CYP4F12: variants seen among roughly 807,000 people sequenced by gnomAD.
CYP4F12 encodes the protein cytochrome P450 family 4 subfamily F member 12.
Under a neutral mutation model 56.5 loss-of-function variants are expected in CYP4F12, and 60 were observed. The observed-to-expected ratio is 1.06, with a 90% CI of 0.86 to 1.32. The LOEUF (loss-of-function observed/expected upper bound fraction) is 1.32. Ranked by LOEUF, CYP4F12 falls within the 40% of genes most tolerant of loss-of-function variation. The pLI is 0.00. For missense variants in CYP4F12, 711 were observed against 683.5 expected, an observed-to-expected ratio of 1.04 and a Z score of -0.45; for synonymous variants, 263 against 264.9, an observed-to-expected ratio of 0.99 and a Z score of 0.07.
Position 15,683,681 on chromosome 19 carries a change from C to G in CYP4F12, c.836C>G (p.Pro279Arg), listed in dbSNP as rs567584411. 5.0e-6 allele frequency: 8 copies of G among 1,612,754 alleles called. No individual in the cohort carries two copies. The highest frequency in any genetic ancestry group is 5.9e-6 in the Non-Finnish European group (7 of 1,179,526). ...ATCCGGGAGCGGCGTCGCACCCTCC[C>G]CACTCAGGGTATTGATGATTTTTTC... ...AVIRERRRTL[P>R]TQGIDDFFKD... The change falls in exon 7 of 13, where the codon CCC (proline) becomes CGC (arginine). Residue 279 changes from proline (P) to arginine (R), a missense_variant. By Grantham distance (103) the Pro-to-Arg change is moderately radical (BLOSUM62 -2). Coordinates refer to ENST00000550308, the MANE Select transcript of CYP4F12 (RefSeq NM_023944.4).
chr19:15,679,586 G>C (rs569031966), intron 3 of CYP4F12, among the ~76,000 whole-genome samples: 1 of 152,296 alleles, frequency 6.6e-6, no homozygotes, highest in East Asian at 1.9e-4. Flanking sequence ...GACACTTGGG[G>C]CATGTCAGAG....
chr19:15,676,380 C>G, intron 2 of CYP4F12, among the ~76,000 whole-genome samples: 1 of 134,984 alleles, frequency 7.4e-6, no homozygotes, highest in Non-Finnish European at 1.6e-5. Context: ...TCCTCACTCA[C>G]TCATTCCTCT....
At chr19:15,674,651 CCACT>C (rs1443701703) in intron 2 of CYP4F12, among the ~76,000 whole-genome samples, 1 of 46,918 alleles carries the variant, frequency 2.1e-5, no homozygotes, top group African/African-American at 6.3e-5. Flanking sequence ...TTTGCTCTCC[CCACT>C]CACTCATTCC....
chr19:15,680,494 T>C lies in CYP4F12; in HGVS notation c.500T>C (p.Phe167Ser), dbSNP rs2007234550. The C allele has an allele frequency of 6.2e-7, 1 of 1,614,024 alleles. No individual in the cohort carries two copies. Among genetic ancestry groups the C allele is most frequent in the Non-Finnish European group, 8.5e-7 (1 of 1,180,040 alleles). The change falls in exon 5 of 13, where the codon TTC becomes TCC. Residue 167 changes from phenylalanine to serine, a missense_variant. Physicochemically the swap from Phe to Ser is radical, Grantham distance 155. Coordinates refer to ENST00000550308, the MANE Select transcript of CYP4F12 (RefSeq NM_023944.4). Reference protein sequence around the residue: ...FNILKSYITIFNKSANIMLDK... With the variant: ...FNILKSYITISNKSANIMLDK... ...ATCCTGAAGTCCTATATAACGATCT[T>C]CAACAAGAGTGCAAACATCATGCTT...
intron 7 of CYP4F12, 194 bp from the exon 8 acceptor site, chr19:15,684,622 A>G (rs1447172021): frequency 3.8e-6 from 2 of 529,956 alleles, no homozygotes; most frequent in African/African-American, 3.9e-5. Flanking sequence ...ATCTGGGGGA[A>G]GCCCTTGGAG....
intron 9 of CYP4F12, among the ~76,000 whole-genome samples, chr19:15,695,511 A>T (rs985372138): frequency 1.3e-4 from 19 of 151,996 alleles, no homozygotes; most frequent in Admixed American, 7.9e-4. Context: ...AATAAAAAAA[A>T]AAAAACAAAT....
intron 1 of CYP4F12, 77 bp from the exon 2 acceptor site, chr19:15,673,452 A>G: frequency 2.0e-6 from 3 of 1,500,000 alleles, no homozygotes; most frequent in Non-Finnish European, 2.7e-6. Context: ...GCAGTTCCTG[A>G]CTTCGCCCCT....
At chr19:15,677,821 C>A (rs796947563) in intron 2 of CYP4F12, among the ~76,000 whole-genome samples, 3 of 986 alleles carry the variant, frequency 3.0e-3, no homozygotes, top group African/African-American at 4.8e-3. Flanking sequence ...TGCTCGCTCA[C>A]TCACTCATTC....
chr19:15,683,420 C>A (rs777267212), intron 6 of CYP4F12, 73 bp from the exon 7 acceptor site: 387 of 1,488,688 alleles, frequency 2.6e-4, no homozygotes, highest in Non-Finnish European at 3.3e-4. Flanking sequence ...TAGCTCCTGG[C>A]TGCTGGTGGG....
At chr19:15,690,950 G>T (rs2007841873) in intron 9 of CYP4F12, among the ~76,000 whole-genome samples, 1 of 151,968 alleles carries the variant, frequency 6.6e-6, no homozygotes, top group Non-Finnish European at 1.5e-5. Context: ...TTTGTCCTAT[G>T]GTATTTACAT....
chr19:15,681,695 G>C (rs114383497), intron 5 of CYP4F12: 3,513 of 152,214 alleles, frequency 0.023, 14 homozygotes, highest in African/African-American at 0.081. Context: ...GTGGTTATCT[G>C]CAAATACAAC....
intron 3 of CYP4F12, 25 bp from the exon 4 acceptor site, chr19:15,680,219 C>T (rs377522493): frequency 7.0e-6 from 11 of 1,581,086 alleles, no homozygotes; most frequent in Non-Finnish European, 7.7e-6. Context: ...TCTACATGGC[C>T]CCTGATGGTC....
intron 3 of CYP4F12, 58 bp from the exon 4 acceptor site, chr19:15,680,186 T>C (rs1414258521): frequency 2.6e-6 from 4 of 1,549,652 alleles, no homozygotes; most frequent in African/African-American, 2.7e-5. Flanking sequence ...CCTTGCCCTA[T>C]ACCTGAAGTT....
intron 11 of CYP4F12, 98 bp downstream of exon 11, chr19:15,696,323 A>T (rs2008136943): frequency 6.2e-7 from 1 of 1,610,184 alleles, no homozygotes; most frequent in Non-Finnish European, 8.5e-7. Context: ...CAGGGTTTTG[A>T]TGAGGAAAAT....
chr19:15,679,618 A>G (rs2007173656), intron 3 of CYP4F12, among the ~76,000 whole-genome samples: 1 of 152,230 alleles, frequency 6.6e-6, no homozygotes. Flanking sequence ...CTTCTCTGAC[A>G]TGTGATTTGA....
chr19:15,695,837 T>C, intron 9 of CYP4F12, 99 bp from the exon 10 acceptor site: 1 of 1,478,828 alleles, frequency 6.8e-7, no homozygotes, highest in Non-Finnish European at 9.0e-7. Flanking sequence ...GTGGAGTTTA[T>C]TTTGTGATAG....
chr19:15,693,285 T>C (rs1197247039), intron 9 of CYP4F12, among the ~76,000 whole-genome samples: 4 of 152,200 alleles, frequency 2.6e-5, no homozygotes, highest in African/African-American at 9.7e-5. Flanking sequence ...GTAGACGGTA[T>C]GAAAATTTTA....
At chr19:15,673,488 TG>T in intron 1 of CYP4F12, 40 bp from the exon 2 acceptor site, 1 of 1,568,054 alleles carries the variant, frequency 6.4e-7, no homozygotes, top group African/African-American at 1.3e-5. Context: ...AGCTCTTCCC[TG>T]GGCCTCAGGT....
intron 9 of CYP4F12, among the ~76,000 whole-genome samples, chr19:15,693,265 C>T (rs975849399): frequency 6.6e-6 from 1 of 152,028 alleles, no homozygotes; most frequent in Non-Finnish European, 1.5e-5. Flanking sequence ...AAATTCTGAA[C>T]CAGATAATTG....
Sources: gnomAD v4.1 joint callset for allele counts (sites outside exome capture counted in the v4.1 genomes callset) on GRCh38, gnomAD v4.1.1 for gene constraint, MANE v1.5 for transcripts, NCBI Gene and HGNC (gene_info 2026-07-23, HGNC 2026-07-21) for gene names.